SLC44A2: variants seen among roughly 807,000 people sequenced by gnomAD.
SLC44A2 encodes solute carrier family 44 member 2 (CTL2 blood group).
A neutral mutation model predicts 90.8 loss-of-function variants in SLC44A2; 57 were observed. The observed-to-expected ratio is 0.63, with a 90% CI of 0.51 to 0.78. SLC44A2 has a LOEUF of 0.78. SLC44A2 is among the 30% of genes least tolerant of loss of function. The pLI is 0.00. For missense variants in SLC44A2, 794 were observed against 919.7 expected (o/e 0.86, Z 1.77); for synonymous variants, 355 against 360.7 (o/e 0.98, Z 0.18).
intron 20 of SLC44A2, among the ~76,000 whole-genome samples, chr19:10,638,755 C>T (rs907266115): frequency 2.0e-5 from 3 of 152,002 alleles, no homozygotes; most frequent in Non-Finnish European, 4.4e-5. Context: ...GTGCCTCAGC[C>T]TCCTGTGTAG....
chr19:10,638,118 CGG>C (rs766665185), intron 19 of SLC44A2, 25 bp downstream of exon 19: 9 of 1,613,646 alleles, frequency 5.6e-6, no homozygotes. Flanking sequence ...CCTAGCCTCT[CGG>C]GGTGTGGGAG....
chr19:10,606,223 A>G (rs1004096906), intron 1 of SLC44A2, among the ~76,000 whole-genome samples: 1 of 150,470 alleles, frequency 6.6e-6, no homozygotes, highest in African/African-American at 2.5e-5. Context: ...GCTTGAGCCC[A>G]GGAGGCAGAG....
intron 21 of SLC44A2, chr19:10,642,859 C>T (rs1325136087): frequency 1.3e-6 from 2 of 1,545,930 alleles, no homozygotes; most frequent in East Asian, 2.4e-5. Flanking sequence ...TTCCCGACCA[C>T]CCCATTTTCC....
In SLC44A2 at chr19:10,635,074, G is replaced by A; in HGVS notation, c.1055+1G>A. 2 of 1,614,134 alleles carry A rather than the reference G, an allele frequency of 1.2e-6. No individual in the cohort carries two copies. Among genetic ancestry groups the A allele is most frequent in the South Asian group, 1.1e-5 (1 of 91,076 alleles). On this transcript the variant is annotated splice_donor_variant, in intron 12 of 21. Transcript: ENST00000335757. LOFTEE classifies it high-confidence loss of function. ...TTGCACTCATCAAAGAAGCCAGCAG[G>A]TGGGGGGCCAGGGTGCCAGGGGCCA...
intron 1 of SLC44A2, 22 bp from the exon 2 acceptor site, chr19:10,626,231 T>C: frequency 6.2e-7 from 1 of 1,607,074 alleles, no homozygotes. Context: ...ATCCCATCCA[T>C]CTTAATCTTC....
intron 1 of SLC44A2, among the ~76,000 whole-genome samples, chr19:10,610,093 A>G (rs1208337646): frequency 6.6e-6 from 1 of 152,054 alleles, no homozygotes; most frequent in Non-Finnish European, 1.5e-5. Context: ...GGCGTGAGCC[A>G]CCGAGCCTGG....
rs974108752 is a variant in SLC44A2 at position 10,643,080 on chromosome 19, CG to C, written c.2015-192del. On this transcript the variant is annotated intron_variant, in intron 21 of 21. Coordinates refer to ENST00000335757, the MANE Select transcript of SLC44A2 (RefSeq NM_020428.4). Reference sequence around the variant, plus strand: ...CCATGTAGACTGGGGGTGCATGAAGCGGGGGGGTTCCTGGCCTGCGAGTGTG... The same window carrying C: ...CCATGTAGACTGGGGGTGCATGAAGCGGGGGGTTCCTGGCCTGCGAGTGTG... The C allele has an allele frequency of 1.1e-5, 16 of 1,452,502 alleles. No individual in the cohort carries two copies. The Admixed American group carries it at 1.3e-4, about 12-fold the overall frequency. The allele number at this position is 1,452,502 out of a possible 1,614,324, so 90.0% of individuals were successfully genotyped here. A position where few individuals can be genotyped will look rare whatever the true frequency, so the allele number is the denominator to read the frequency against.
Position 10,643,424 on chromosome 19 carries a change from G to T in SLC44A2, c.*39G>T, listed in dbSNP as rs147086307. 177 of 1,580,974 alleles carry T rather than the reference G, an allele frequency of 1.1e-4. No individual in the cohort carries two copies. In the Admixed American group the frequency reaches 3.0e-3, roughly 27 times the overall value. ...CCCACCTCTCAAGGAGTCTCATGCC[G>T]CAGGGTGCTCAGTAGCTGGGTCTGT... On this transcript the variant is annotated 3_prime_UTR_variant, in exon 22 of 22. Transcript: ENST00000335757.
intron 20 of SLC44A2, among the ~76,000 whole-genome samples, chr19:10,639,648 G>A (rs561718806): frequency 1.3e-5 from 2 of 152,298 alleles, no homozygotes; most frequent in African/African-American, 4.8e-5. Context: ...GGAGGCTGAG[G>A]CAGGTGGATC....
chr19:10,626,219 C>G (rs1013178443), intron 1 of SLC44A2, 34 bp from the exon 2 acceptor site: 2 of 1,589,626 alleles, frequency 1.3e-6, no homozygotes, highest in African/African-American at 2.7e-5. Context: ...TTCAGGTCTC[C>G]AATCCCATCC....
intron 20 of SLC44A2, chr19:10,641,089 G>GA: frequency 3.0e-6 from 1 of 337,080 alleles, no homozygotes; most frequent in Non-Finnish European, 5.4e-6. Context: ...TCCGTCTCAG[G>GA]AGGGAAAAAA....
chr19:10,625,381 G>C, upstream of SLC44A2: 1 of 992,604 alleles, frequency 1.0e-6, no homozygotes, highest in African/African-American at 1.7e-5. Flanking sequence ...CCCGGGTGGG[G>C]GCGGGGAAGG....
chr19:10,627,585 C>G (rs981926041), intron 2 of SLC44A2, 137 bp from the exon 3 acceptor site: 1 of 749,616 alleles, frequency 1.3e-6, no homozygotes, highest in African/African-American at 1.8e-5. Flanking sequence ...AATGCATGTG[C>G]CCTTTGGTAC....
chr19:10,641,150 T>C, intron 20 of SLC44A2: 1 of 373,076 alleles, frequency 2.7e-6, no homozygotes, highest in South Asian at 2.0e-5. Flanking sequence ...CCCAGCACTT[T>C]GGGAGGCCGA....
intron 14 of SLC44A2, 200 bp from the exon 15 acceptor site, chr19:10,636,123 C>G (rs2067051616): frequency 3.1e-6 from 2 of 638,354 alleles, no homozygotes; most frequent in Non-Finnish European, 5.2e-6. Flanking sequence ...CTTCTTGACC[C>G]CAGTGATGGC....
chr19:10,638,479 T>A (rs146816553), intron 20 of SLC44A2, among the ~76,000 whole-genome samples, 164 bp downstream of exon 20: 54 of 152,278 alleles, frequency 3.5e-4, no homozygotes, highest in African/African-American at 1.3e-3. Context: ...AGTCTTGCCC[T>A]GTCGCCCTGA....
chr19:10,638,341 G>T, intron 20 of SLC44A2, 26 bp downstream of exon 20: 1 of 1,602,912 alleles, frequency 6.2e-7, no homozygotes, highest in Non-Finnish European at 8.5e-7. Context: ...GAGAGATGGG[G>T]GTTTGGGAAG....
rs374217702 is a variant in SLC44A2 at position 10,631,159 on chromosome 19, G to A, written c.330+18G>A. Reference sequence around the variant, plus strand: ...CTCCCCAGGTAACCTGGTCCCCACCGTTCCCTTTTTCCTCTCCCCGCTTCC... The same window carrying A: ...CTCCCCAGGTAACCTGGTCCCCACCATTCCCTTTTTCCTCTCCCCGCTTCC... On this transcript the variant is annotated intron_variant, in intron 5 of 21. Transcript: ENST00000335757. The A allele has an allele frequency of 1.8e-5, 29 of 1,611,656 alleles. No homozygotes were observed. Among genetic ancestry groups the A allele is most frequent in the African/African-American group, 1.7e-4 (13 of 74,904 alleles).
At chr19:10,622,540 A>G (rs1462931328), upstream of SLC44A2, among the ~76,000 whole-genome samples, 1 of 151,926 alleles carries the variant, frequency 6.6e-6, no homozygotes, top group Non-Finnish European at 1.5e-5. Flanking sequence ...ACTGATCTCA[A>G]GCAGAGAGGC....
Sources: gnomAD v4.1 joint callset for allele counts (sites outside exome capture counted in the v4.1 genomes callset) on GRCh38, gnomAD v4.1.1 for gene constraint, MANE v1.5 for transcripts, NCBI Gene and HGNC (gene_info 2026-07-23, HGNC 2026-07-21) for gene names.